Variants in CYP4Z1 observed in about 807,000 individuals in gnomAD.
CYP4Z1 encodes the protein cytochrome P450 4Z1.
In CYP4Z1, 41 loss-of-function variants were observed where a neutral mutation model predicts 54.2. That is an observed-to-expected ratio of 0.76 (90% CI 0.59 to 0.98). CYP4Z1 has a LOEUF of 0.98. CYP4Z1 is among the 50% of genes least tolerant of loss of function. The pLI is 0.00. For missense variants in CYP4Z1, 513 were observed against 599.0 expected (o/e 0.86, Z 1.50); for synonymous variants, 163 against 206.2 (o/e 0.79, Z 1.79).
At chr1:47,094,778 C>T (rs1569733062) in intron 7 of CYP4Z1, 109 bp downstream of exon 7, 3 of 626,056 alleles carry the variant, frequency 4.8e-6, no homozygotes, top group South Asian at 1.8e-5. Context: ...GAGGCCAAGG[C>T]GGGCAGATCA....
rs569353564 is a variant in CYP4Z1 at position 47,113,476 on chromosome 1, G to T, written c.1202-2053G>T. Among the ~76,000 whole-genome samples the T allele has an allele frequency of 9.5e-4, 144 of 152,286 alleles. 1 individual carries two copies. The highest frequency in any genetic ancestry group is 3.4e-3 in the African/African-American group (140 of 41,558). ...TGTGAGCTCCTTGAAGGCTAGAGTAGATCTCACTGATCTTCACAGCACCCA... is the reference window on the plus strand; with the variant it reads ...TGTGAGCTCCTTGAAGGCTAGAGTATATCTCACTGATCTTCACAGCACCCA... On this transcript the variant is annotated intron_variant, in intron 9 of 11. Coordinates refer to ENST00000334194, the MANE Select transcript of CYP4Z1 (RefSeq NM_178134.3).
At chr1:47,094,113 G>A (rs1171582393) in intron 6 of CYP4Z1, among the ~76,000 whole-genome samples, 1 of 152,150 alleles carries the variant, frequency 6.6e-6, no homozygotes, top group East Asian at 1.9e-4. Flanking sequence ...AATATTTTCA[G>A]TATTCCTCTG....
intron 4 of CYP4Z1, 71 bp downstream of exon 4, chr1:47,082,532 C>T: frequency 6.5e-7 from 1 of 1,550,106 alleles, no homozygotes; most frequent in Non-Finnish European, 8.7e-7. Context: ...GTGTGGGAGA[C>T]TCTGAGTTCC....
rs1403774117 is a variant in CYP4Z1, at chr1:47,099,196, C to A, written c.979C>A (p.Leu327Ile). 3 of 1,613,988 alleles carry A rather than the reference C, an allele frequency of 1.9e-6. No homozygotes were observed. The highest frequency in any genetic ancestry group is 4.5e-5 in the East Asian group (2 of 44,840). ...DTTSSAISWI[L>I]YCLAKYPEHQ... ...CACATCCAGTGCTATCTCCTGGATC[C>A]TTTACTGCTTGGCAAAGTACCCTGA... Residue 327 changes from leucine (L) to isoleucine (I), a missense_variant, in exon 8 of 12, where the codon CTT (leucine) becomes ATT (isoleucine). Leu to Ile is a conservative substitution (Grantham distance 5). Coordinates refer to ENST00000334194, the MANE Select transcript of CYP4Z1 (RefSeq NM_178134.3).
intron 9 of CYP4Z1, among the ~76,000 whole-genome samples, chr1:47,114,306 A>G (rs1644814006): frequency 6.6e-6 from 1 of 152,226 alleles, no homozygotes; most frequent in African/African-American, 2.4e-5. Flanking sequence ...AAGATGGATT[A>G]AAGACTTAAA....
chr1:47,062,506 G>C (rs1644429356), upstream of CYP4Z1, among the ~76,000 whole-genome samples: 1 of 152,192 alleles, frequency 6.6e-6, no homozygotes. Context: ...GGGCACAGTA[G>C]GAGTGAGACT....
At chr1:47,056,390 T>C in the CYP4Z1 span, among the ~76,000 whole-genome samples, 2 of 152,198 alleles carry the variant, frequency 1.3e-5, no homozygotes, top group African/African-American at 4.8e-5. Flanking sequence ...AAAGAATGTA[T>C]ATTCTGTTGA....
intron 10 of CYP4Z1, among the ~76,000 whole-genome samples, chr1:47,116,299 G>T (rs1425708671): frequency 6.6e-6 from 1 of 152,140 alleles, no homozygotes; most frequent in Non-Finnish European, 1.5e-5. Flanking sequence ...ATAATTTGAT[G>T]CTTTGCCCAT....
chr1:47,117,886 C>G lies in CYP4Z1; in HGVS notation c.1470C>G (p.Val490=). The G allele has an allele frequency of 6.2e-7, 1 of 1,613,506 alleles. No homozygotes were observed. Among genetic ancestry groups the G allele is most frequent in the Non-Finnish European group, 8.5e-7 (1 of 1,179,738 alleles). The change falls in exon 12 of 12, where the codon GTC becomes GTG. Residue 490 remains valine (V), a synonymous_variant. Coordinates refer to ENST00000334194, the MANE Select transcript of CYP4Z1 (RefSeq NM_178134.3). ...CTCCCCAGCCTGTTCGTCAAGTTGTCCTCAAGTCCAAGAATGGAATCCATG... is the reference window on the plus strand; with the variant it reads ...CTCCCCAGCCTGTTCGTCAAGTTGTGCTCAAGTCCAAGAATGGAATCCATG... ...SRPPQPVRQV[V]LKSKNGIHVF...
chr1:47,118,016 T>C lies in CYP4Z1; in HGVS notation c.*82T>C, dbSNP rs758832827. ...AAAAGGATAAATATAATACAAAATA[T>C]ATGTATATGGTTGTTTGACAAATTA... On this transcript the variant is annotated 3_prime_UTR_variant, in exon 12 of 12. Transcript: ENST00000334194. The C allele has an allele frequency of 1.1e-5, 15 of 1,370,816 alleles. No individual in the cohort carries two copies. The highest frequency in any genetic ancestry group is 1.5e-5 in the African/African-American group (1 of 68,476). The allele number at this position is 1,370,816 out of a possible 1,614,324, so 84.9% of individuals were successfully genotyped here. A position where few individuals can be genotyped will look rare whatever the true frequency, so the allele number is the denominator to read the frequency against.
At chr1:47,087,224 C>T (rs868835957) in intron 6 of CYP4Z1, among the ~76,000 whole-genome samples, 1 of 152,192 alleles carries the variant, frequency 6.6e-6, no homozygotes, top group South Asian at 2.1e-4. Flanking sequence ...TTTTCCAATT[C>T]TGTGAAGAAA....
the CYP4Z1 span, among the ~76,000 whole-genome samples, chr1:47,058,840 G>A: frequency 6.6e-6 from 1 of 151,996 alleles, no homozygotes; most frequent in Non-Finnish European, 1.5e-5. Flanking sequence ...ACCCTGGCAG[G>A]GACAGGCAGA....
intron 9 of CYP4Z1, among the ~76,000 whole-genome samples, chr1:47,108,783 TTCC>T (rs1243891022): frequency 6.6e-6 from 1 of 152,080 alleles, no homozygotes; most frequent in Non-Finnish European, 1.5e-5. Context: ...CCTAAACCTA[TTCC>T]TCCTCCTGGA....
the CYP4Z1 span, among the ~76,000 whole-genome samples, chr1:47,061,294 TAAAGAA>T: frequency 6.6e-6 from 1 of 151,946 alleles, no homozygotes; most frequent in East Asian, 1.9e-4. Context: ...GCCACACTAA[TAAAGAA>T]GAAAAGAGAG....
At chr1:47,114,648 C>T (rs570873169) in intron 9 of CYP4Z1, among the ~76,000 whole-genome samples, 44 of 152,138 alleles carry the variant, frequency 2.9e-4, no homozygotes, top group Non-Finnish European at 5.6e-4. Flanking sequence ...TATGAACAGA[C>T]ACTTCTCAAA....
intron 6 of CYP4Z1, among the ~76,000 whole-genome samples, chr1:47,087,605 G>C (rs1644605909): frequency 6.6e-6 from 1 of 152,144 alleles, no homozygotes; most frequent in Non-Finnish European, 1.5e-5. Context: ...CTGACACAAT[G>C]GGGTTTTCTA....
chr1:47,110,211 G>C (rs541765663), intron 9 of CYP4Z1, among the ~76,000 whole-genome samples: 2 of 148,054 alleles, frequency 1.4e-5, no homozygotes, highest in South Asian at 4.6e-4. Flanking sequence ...CCTCAGTGGA[G>C]AGGGACATGG....
At chr1:47,091,149 C>T (rs1401875383) in intron 6 of CYP4Z1, among the ~76,000 whole-genome samples, 1 of 136,270 alleles carries the variant, frequency 7.3e-6, no homozygotes, top group Non-Finnish European at 1.5e-5. Flanking sequence ...CTGACTGTAA[C>T]CATCCTGAGA....
At chr1:47,108,599 T>G (rs1057368409) in intron 9 of CYP4Z1, among the ~76,000 whole-genome samples, 2 of 152,204 alleles carry the variant, frequency 1.3e-5, no homozygotes, top group African/African-American at 2.4e-5. Flanking sequence ...CCTGTGCCTG[T>G]GCCATGGTCC....
Sources: gnomAD v4.1 joint callset for allele counts (sites outside exome capture counted in the v4.1 genomes callset) on GRCh38, gnomAD v4.1.1 for gene constraint, MANE v1.5 for transcripts, NCBI Gene and HGNC (gene_info 2026-07-23, HGNC 2026-07-21) for gene names.